UXT: variants seen among roughly 807,000 people sequenced by gnomAD.
UXT encodes protein UXT.
For synonymous variants in UXT, 54 were observed against 52.8 expected (o/e 1.02, Z -0.10); for missense variants, 111 against 132.7 (o/e 0.84, Z 0.80).
chrX:47,657,757 T>A (rs776461237), intron 2 of UXT, 25 bp downstream of exon 3: 1 of 1,194,880 alleles, frequency 8.4e-7, no homozygotes, highest in Admixed American at 2.3e-5. Context: ...ACCAAAAAAA[T>A]GGTACCCAAT....
intron 4 of UXT, among the ~76,000 whole-genome samples, chrX:47,656,198 G>C (rs1020449391): frequency 8.9e-6 from 1 of 111,947 alleles, no homozygotes; most frequent in African/African-American, 3.3e-5. Flanking sequence ...GGGTACAGCA[G>C]TGCGCCTGTA....
At chrX:47,656,735 A>G (rs1170544306) in intron 4 of UXT, among the ~76,000 whole-genome samples, 1 of 111,871 alleles carries the variant, frequency 8.9e-6, no homozygotes, top group Non-Finnish European at 1.9e-5. Context: ...TGTGAAGGTG[A>G]GTGTGGCAGG....
intron 4 of UXT, chrX:47,654,042 A>G (rs2058076197): frequency 1.3e-6 from 1 of 741,634 alleles, no homozygotes; most frequent in Non-Finnish European, 1.6e-6. Flanking sequence ...ATGAAAACCT[A>G]TGAGTTCAAC....
Position 47,659,142 on chromosome X carries a change from G to T in UXT, c.-179C>A. 2.8e-6 allele frequency: 2 copies of T among 703,760 alleles called. No individual in the cohort carries two copies. The highest frequency in any genetic ancestry group is 2.2e-6 in the Non-Finnish European group (1 of 460,428). 58.0% of individuals were successfully genotyped at this position (703,760 alleles called of 1,213,427 possible). A position where few individuals can be genotyped will look rare whatever the true frequency, so the allele number is the denominator to read the frequency against. ...CAGGCCGCCAGCAATAAGAACGGTT[G>T]GTAGGAACCGCGGCTTCCGGGTGGC... On this transcript the variant is annotated 5_prime_UTR_variant, in exon 1 of 6. Coordinates refer to ENST00000335890, the MANE Select transcript of UXT (RefSeq NM_153477.3).
chrX:47,655,541 C>T (rs1016926926), intron 4 of UXT, among the ~76,000 whole-genome samples: 3 of 112,153 alleles, frequency 2.7e-5, no homozygotes, highest in African/African-American at 9.7e-5. Context: ...AAACACAAAA[C>T]ACAACCAACA....
Position 47,654,900 on chromosome X carries a change from TG to T in UXT, c.392+2282del, listed in dbSNP as rs1447316859. The stretch of plus-strand genomic sequence containing the variant: ...CACTGACAATTTAAATACTTCATTT[TG>T]GGGAAGTACGTGGAGTCTCAAAACA... On this transcript the variant is annotated intron_variant, in intron 4 of 5. Transcript: ENST00000335890. Among the ~76,000 whole-genome samples, 4 of 112,280 alleles carry T rather than the reference TG, an allele frequency of 3.6e-5. No homozygotes were observed. In the East Asian group the frequency reaches 8.4e-4, roughly 24 times the overall value.
intron 3 of UXT, 33 bp downstream of exon 4, chrX:47,657,539 C>A: frequency 1.7e-6 from 2 of 1,195,903 alleles, no homozygotes; most frequent in East Asian, 3.0e-5. Context: ...TAAGCTGAAC[C>A]CTGTGGGCTC....
In UXT at chrX:47,659,003, T is replaced by A. The variant is rs1440870520; in HGVS notation, c.-40A>T. The A allele has an allele frequency of 1.7e-6, 2 of 1,172,659 alleles. No individual in the cohort carries two copies. Among genetic ancestry groups the A allele is most frequent in the South Asian group, 3.6e-5 (2 of 56,230 alleles). ...TTTGGCCTCACACACAGTTCATCTCTACCCTCTCAACGCTGGGAATCGGCT... is the reference window on the plus strand; with the variant it reads ...TTTGGCCTCACACACAGTTCATCTCAACCCTCTCAACGCTGGGAATCGGCT... On this transcript the variant is annotated 5_prime_UTR_variant, in exon 1 of 6. Transcript: ENST00000335890.
At chrX:47,651,944 G>A (rs372776574) in intron 5 of UXT, 49 bp from the exon 7 acceptor site, 59 of 1,192,356 alleles carry the variant, frequency 4.9e-5, no homozygotes, top group Middle Eastern at 2.6e-4. Flanking sequence ...TCTGGGTTAC[G>A]CCCCCAGGCT....
rs144038099 is a variant in UXT at position 47,656,235 on chromosome X, A to G, written c.392+948T>C. On this transcript the variant is annotated intron_variant, in intron 4 of 5. Coordinates refer to ENST00000335890, the MANE Select transcript of UXT (RefSeq NM_153477.3). The stretch of plus-strand genomic sequence containing the variant: ...TCCCAGTTACTTGGCAGGCTGAAGC[A>G]AGGGGATTGCTTGAGCCCAGGAGTT... 2.1e-3 allele frequency among the ~76,000 whole-genome samples: 237 copies of G among 112,130 alleles called. 1 individual carries two copies. Among genetic ancestry groups the G allele is most frequent in the African/African-American group, 7.3e-3 (226 of 30,839 alleles).
intron 4 of UXT, among the ~76,000 whole-genome samples, chrX:47,655,506 G>GA (rs1391857552): frequency 8.9e-6 from 1 of 111,946 alleles, no homozygotes; most frequent in Non-Finnish European, 1.9e-5. Flanking sequence ...GGCAACTCTG[G>GA]AAAAAATGAA....
Position 47,657,859 on chromosome X carries a change from C to A in UXT, c.139G>T (p.Val47Leu), listed in dbSNP as rs1332076799. 1 of 1,139,826 alleles carries A rather than the reference C, an allele frequency of 8.8e-7. No individual in the cohort carries two copies. Among genetic ancestry groups the A allele is most frequent in the South Asian group, 2.2e-5 (1 of 45,312 alleles). 93.9% of individuals were successfully genotyped at this position (1,139,826 alleles called of 1,213,427 possible). A position where few individuals can be genotyped will look rare whatever the true frequency, so the allele number is the denominator to read the frequency against. Residue 47 changes from valine (V) to leucine (L), a missense_variant, in exon 2 of 6, where the codon GTG (valine) becomes TTG (leucine). By Grantham distance (32) the Val-to-Leu change is conservative (BLOSUM62 1). Transcript: ENST00000335890. Reference sequence around the variant, plus strand: ...TATACCTTGTCTCGATGGTCCAGCACCTTTCTGATGGGACGAAAGTACAAT... The same window carrying A: ...TATACCTTGTCTCGATGGTCCAGCAACTTTCTGATGGGACGAAAGTACAAT...
At chrX:47,651,946 C>A (rs2058068502) in intron 5 of UXT, 51 bp from the exon 7 acceptor site, 3 of 1,195,216 alleles carry the variant, frequency 2.5e-6, no homozygotes, top group Non-Finnish European at 3.4e-6. Context: ...TGGGTTACGC[C>A]CCCAGGCTTG....
intron 5 of UXT, 84 bp from the exon 7 acceptor site, chrX:47,651,979 C>A: frequency 8.5e-7 from 1 of 1,180,297 alleles, no homozygotes. Flanking sequence ...TCCCTTGACT[C>A]CAGTTTAGAG....
intron 4 of UXT, among the ~76,000 whole-genome samples, chrX:47,654,414 G>C (rs1189997056): frequency 9.1e-6 from 1 of 110,301 alleles, no homozygotes; most frequent in African/African-American, 3.3e-5. Flanking sequence ...CACTATCTTG[G>C]ACAGGCTGGT....
chrX:47,654,358 C>T (rs865827248), intron 4 of UXT, among the ~76,000 whole-genome samples: 29 of 109,849 alleles, frequency 2.6e-4, no homozygotes, highest in Middle Eastern at 9.3e-3. Flanking sequence ...AGGCGCCTGC[C>T]ACCGTTCCCG....
chrX:47,653,692 C>T (rs149178958), intron 4 of UXT, among the ~76,000 whole-genome samples: 49 of 112,127 alleles, frequency 4.4e-4, no homozygotes, highest in African/African-American at 1.4e-3. Context: ...GTTTGTCTCC[C>T]CTGACTAGAA....
At chrX:47,657,498 C>A (rs1401919717) in intron 3 of UXT, 74 bp downstream of exon 4, 3 of 1,070,607 alleles carry the variant, frequency 2.8e-6, no homozygotes, top group African/African-American at 1.9e-5. Flanking sequence ...AGAAGATACT[C>A]AAAAAAATAT....
At chrX:47,657,939 G>A (rs1413143604) in intron 1 of UXT, 76 bp from the exon 3 acceptor site, 1 of 851,074 alleles carries the variant, frequency 1.2e-6, no homozygotes, top group Non-Finnish European at 1.6e-6. Context: ...ATGACCCTCT[G>A]AGACTCTCAT....
Sources: gnomAD v4.1 joint callset for allele counts (sites outside exome capture counted in the v4.1 genomes callset) on GRCh38, gnomAD v4.1.1 for gene constraint, MANE v1.5 for transcripts, NCBI Gene and HGNC (gene_info 2026-07-23, HGNC 2026-07-21) for gene names.